The following TMEFF2 variants were observed in gnomAD, a reference collection of about 807,000 sequenced individuals.
TMEFF2 encodes the protein tomoregulin-2.
Under a neutral mutation model 53.8 loss-of-function variants are expected in TMEFF2, and 28 were observed. The ratio of observed to expected loss-of-function variants is 0.52; its 90% confidence interval spans 0.39 to 0.71. The LOEUF is 0.71. TMEFF2 is among the 30% of genes least tolerant of loss of function. The pLI is 0.00. For synonymous variants in TMEFF2, 162 were observed against 166.3 expected, an observed-to-expected ratio of 0.97 and a Z score of 0.20; for missense variants, 353 against 455.2, an observed-to-expected ratio of 0.78 and a Z score of 2.04.
chr2:192,075,294 T>C (rs1264927015), intron 4 of TMEFF2, among the ~76,000 whole-genome samples: 6 of 31,584 alleles, frequency 1.9e-4, no homozygotes, highest in African/African-American at 8.3e-4. Flanking sequence ...ATTATATATA[T>C]ATATATATAT....
At chr2:191,994,237 A>G (rs1008224663) in intron 7 of TMEFF2, among the ~76,000 whole-genome samples, 3 of 151,982 alleles carry the variant, frequency 2.0e-5, no homozygotes, top group African/African-American at 7.2e-5. Context: ...AACAATTTCA[A>G]TTTAAAAAAT....
At chr2:192,133,790 G>C (rs1406630236) in intron 4 of TMEFF2, among the ~76,000 whole-genome samples, 3 of 152,184 alleles carry the variant, frequency 2.0e-5, no homozygotes, top group African/African-American at 4.8e-5. Flanking sequence ...AGGCTTCACA[G>C]ACAGACCCCA....
At chr2:191,988,019 C>T (rs1039990737) in intron 7 of TMEFF2, among the ~76,000 whole-genome samples, 9 of 152,064 alleles carry the variant, frequency 5.9e-5, no homozygotes, top group Non-Finnish European at 1.3e-4. Flanking sequence ...TTCCTGAGTA[C>T]GTATCAATTC....
intron 4 of TMEFF2, among the ~76,000 whole-genome samples, chr2:192,176,433 A>ATC (rs1440630369): frequency 6.6e-6 from 1 of 151,422 alleles, no homozygotes; most frequent in Admixed American, 6.6e-5. Context: ...AAAGAAGAGG[A>ATC]TACAGTCAGC....
At chr2:192,125,466 AGATT>A (rs564571187) in intron 4 of TMEFF2, among the ~76,000 whole-genome samples, 21 of 152,314 alleles carry the variant, frequency 1.4e-4, no homozygotes, top group Admixed American at 9.2e-4. Context: ...TCTTTTTAAC[AGATT>A]GATTTTTAAG....
chr2:192,002,007 T>C (rs958835106), intron 5 of TMEFF2, among the ~76,000 whole-genome samples: 1 of 142,326 alleles, frequency 7.0e-6, no homozygotes, highest in Non-Finnish European at 1.5e-5. Flanking sequence ...GATTCTCCAA[T>C]TGGTGTATTT....
intron 4 of TMEFF2, among the ~76,000 whole-genome samples, chr2:192,062,386 T>C (rs1688065407): frequency 6.6e-6 from 1 of 152,214 alleles, no homozygotes; most frequent in Non-Finnish European, 1.5e-5. Flanking sequence ...AGGTTATTTA[T>C]TCATTCTCCT....
At chr2:191,952,161 G>A (rs1455349738) in intron 9 of TMEFF2, among the ~76,000 whole-genome samples, 1 of 152,168 alleles carries the variant, frequency 6.6e-6, no homozygotes, top group African/African-American at 2.4e-5. Flanking sequence ...GTTATTAAAT[G>A]TGCATATATA....
chr2:192,107,822 T>C (rs1181763576), intron 4 of TMEFF2, among the ~76,000 whole-genome samples: 1 of 151,782 alleles, frequency 6.6e-6, no homozygotes, highest in Non-Finnish European at 1.5e-5. Flanking sequence ...AGTATGTCAG[T>C]AGTGCAGAAC....
chr2:192,042,006 G>A (rs151155340), intron 5 of TMEFF2, among the ~76,000 whole-genome samples: 1 of 152,040 alleles, frequency 6.6e-6, no homozygotes, highest in Non-Finnish European at 1.5e-5. Flanking sequence ...TTCAAGACAA[G>A]CCTGACCAAC....
intron 5 of TMEFF2, among the ~76,000 whole-genome samples, chr2:192,052,347 T>C (rs939266191): frequency 1.3e-5 from 2 of 152,168 alleles, no homozygotes; most frequent in African/African-American, 4.8e-5. Flanking sequence ...GTATATTAAA[T>C]CAAGTATCAA....
At chr2:192,042,691 A>G (rs1276082102) in intron 5 of TMEFF2, among the ~76,000 whole-genome samples, 1 of 152,192 alleles carries the variant, frequency 6.6e-6, no homozygotes, top group East Asian at 1.9e-4. Context: ...GGGAATTTGA[A>G]AGAGCTCTGG....
chr2:192,073,523 C>G (rs1464459145), intron 4 of TMEFF2, among the ~76,000 whole-genome samples: 5 of 151,768 alleles, frequency 3.3e-5, no homozygotes, highest in Non-Finnish European at 7.4e-5. Context: ...TAAATAAAAA[C>G]CAGCCTCAGA....
chr2:191,976,737 A>G (rs116781838), intron 7 of TMEFF2, among the ~76,000 whole-genome samples: 97 of 152,334 alleles, frequency 6.4e-4, no homozygotes, highest in African/African-American at 2.2e-3. Flanking sequence ...GTTGGACACA[A>G]CAGGACTTAG....
chr2:192,005,796 G>C (rs949157535), intron 5 of TMEFF2, among the ~76,000 whole-genome samples: 2 of 152,082 alleles, frequency 1.3e-5, no homozygotes, highest in Non-Finnish European at 1.5e-5. Flanking sequence ...AAAACAGTGT[G>C]TACCTTTCAT....
chr2:192,138,819 T>C (rs543908662), intron 4 of TMEFF2, among the ~76,000 whole-genome samples: 1 of 152,254 alleles, frequency 6.6e-6, no homozygotes, highest in East Asian at 1.9e-4. Context: ...ATCCATGACA[T>C]TTTAGAGGTC....
At chr2:192,165,581 T>C (rs1314688478) in intron 4 of TMEFF2, among the ~76,000 whole-genome samples, 1 of 152,148 alleles carries the variant, frequency 6.6e-6, no homozygotes, top group East Asian at 1.9e-4. Flanking sequence ...AACAGTGATG[T>C]GTCTTTGTCA....
At chr2:192,082,809 C>CAGTTTATT (rs1284503652) in intron 4 of TMEFF2, among the ~76,000 whole-genome samples, 2 of 151,718 alleles carry the variant, frequency 1.3e-5, no homozygotes, top group Non-Finnish European at 2.9e-5. Flanking sequence ...CTTGAGTTAA[C>CAGTTTATT]AGTTTATTTT....
At chr2:192,129,556 ACATTT>A (rs1689762123) in intron 4 of TMEFF2, among the ~76,000 whole-genome samples, 3 of 152,328 alleles carry the variant, frequency 2.0e-5, no homozygotes, top group South Asian at 4.1e-4. Context: ...ATGCATTCTT[ACATTT>A]CAATTCTAAG....
Sources: allele counts gnomAD v4.1 joint callset (sites outside exome capture counted in the v4.1 genomes callset), GRCh38; gene constraint gnomAD v4.1.1; transcripts MANE v1.5; gene names NCBI Gene and HGNC (gene_info 2026-07-23, HGNC 2026-07-21).